NIN: variants seen among roughly 807,000 people sequenced by gnomAD.
The protein encoded by NIN is glycogen synthase kinase 3 beta-interacting protein.
In NIN, 137 loss-of-function variants were observed where a neutral mutation model predicts 257.6. That is an observed-to-expected ratio of 0.53 (90% CI 0.46 to 0.61). The LOEUF is 0.61. Among genes scored for constraint, NIN ranks in the 20% least tolerant of loss-of-function variants. The pLI, the probability that NIN is intolerant of heterozygous loss-of-function variation, is 0.00. For missense variants in NIN, 2,439 were observed against 2,501.2 expected (o/e 0.98, Z 0.53); for synonymous variants, 918 against 919.8 (o/e 1.00, Z 0.04).
intron 29 of NIN, among the ~76,000 whole-genome samples, chr14:50,727,959 A>C (rs370899295): frequency 6.6e-6 from 1 of 152,214 alleles, no homozygotes; most frequent in African/African-American, 2.4e-5. Flanking sequence ...CTGCATTCTT[A>C]AAATTAGTGT....
At chr14:50,755,652 T>C (rs1382432299) in intron 18 of NIN, among the ~76,000 whole-genome samples, 1 of 39,250 alleles carries the variant, frequency 2.5e-5, no homozygotes, top group Non-Finnish European at 5.8e-5. Context: ...TTGTCTCTTT[T>C]TTTTTTTTTT....
chr14:50,822,090 C>G lies in NIN; in HGVS notation c.-21-13G>C. On this transcript the variant is annotated splice_polypyrimidine_tract_variant and intron_variant, in intron 2 of 30. Transcript: ENST00000530997. ...CCACAGTGCTCACCTGTGTGTAAGA[C>G]AGAGACAAGGACAGGTTGTGGCAGC... is the stretch of plus-strand genomic sequence containing the variant. 1 of 1,591,940 alleles carries G rather than the reference C, an allele frequency of 6.3e-7. No individual in the cohort carries two copies. The highest frequency in any genetic ancestry group is 8.6e-7 in the Non-Finnish European group (1 of 1,165,348).
chr14:50,823,275 A>C (rs2045318000), intron 2 of NIN: 1 of 575,602 alleles, frequency 1.7e-6, no homozygotes, highest in South Asian at 1.4e-5. Flanking sequence ...CAAACACGAC[A>C]TACACCCTTG....
At chr14:50,758,943 C>T (rs769172509) in intron 17 of NIN, among the ~76,000 whole-genome samples, 1 of 152,162 alleles carries the variant, frequency 6.6e-6, no homozygotes, top group Non-Finnish European at 1.5e-5. Flanking sequence ...GACAAATGAC[C>T]AAATGTATAT....
At chr14:50,746,086 T>C (rs1215278184) in intron 22 of NIN, among the ~76,000 whole-genome samples, 1 of 150,778 alleles carries the variant, frequency 6.6e-6, no homozygotes, top group African/African-American at 2.4e-5. Context: ...ATCCCCATCA[T>C]GTTGTTTTTC....
At chr14:50,751,662 G>A (rs1363994140) in intron 21 of NIN, among the ~76,000 whole-genome samples, 2 of 152,144 alleles carry the variant, frequency 1.3e-5, no homozygotes, top group East Asian at 3.8e-4. Context: ...GAGTAGCTAG[G>A]ACCACAGGTG....
chr14:50,725,692 A>G, intron 30 of NIN: 2 of 560,984 alleles, frequency 3.6e-6, no homozygotes, highest in African/African-American at 1.9e-5. Flanking sequence ...TCTTAGGTCC[A>G]TGTAAATCAT....
intron 6 of NIN, among the ~76,000 whole-genome samples, chr14:50,777,998 G>C (rs1346468390): frequency 6.6e-6 from 1 of 152,186 alleles, no homozygotes; most frequent in Non-Finnish European, 1.5e-5. Flanking sequence ...TCAACCTAGA[G>C]AACAGGTTGT....
At chr14:50,817,715 A>G (rs1442272506) in intron 3 of NIN, among the ~76,000 whole-genome samples, 3 of 152,122 alleles carry the variant, frequency 2.0e-5, no homozygotes, top group African/African-American at 7.2e-5. Flanking sequence ...CAAAGTTGGC[A>G]TACTACGTAA....
intron 3 of NIN, among the ~76,000 whole-genome samples, chr14:50,818,720 C>T (rs776205586): frequency 2.6e-4 from 39 of 152,104 alleles, no homozygotes; most frequent in Non-Finnish European, 5.1e-4. Flanking sequence ...ACAAGCTTTA[C>T]GCATTTCAAA....
In NIN at chr14:50,723,677, A is replaced by G. The variant is rs1161496009; in HGVS notation, c.6193-5T>C. The G allele has an allele frequency of 6.2e-7, 1 of 1,613,372 alleles. No homozygotes were observed. Among genetic ancestry groups the G allele is most frequent in the Non-Finnish European group, 8.5e-7 (1 of 1,179,386 alleles). ...TGCCTTAGTGTTCTTGCAGAGCTAG[A>G]AACAGAACCAGAAACATCTTGACTC... On this transcript the variant is annotated splice_region_variant and splice_polypyrimidine_tract_variant and intron_variant, in intron 30 of 30. Coordinates refer to ENST00000530997, the MANE Select transcript of NIN (RefSeq NM_020921.4).
chr14:50,787,615 TA>T (rs370695641), intron 5 of NIN, among the ~76,000 whole-genome samples: 49 of 152,162 alleles, frequency 3.2e-4, no homozygotes, highest in African/African-American at 1.1e-3. Flanking sequence ...AATGATCCCA[TA>T]AAAAAAGAAA....
At chr14:50,730,860 T>C (rs905442673) in intron 28 of NIN, 1 of 1,240,086 alleles carries the variant, frequency 8.1e-7, no homozygotes, top group Non-Finnish European at 1.1e-6. Flanking sequence ...AGAAATAACA[T>C]GAGCAAGGGG....
At chr14:50,776,617 CAT>C (rs996312335) in intron 7 of NIN, among the ~76,000 whole-genome samples, 1 of 152,240 alleles carries the variant, frequency 6.6e-6, no homozygotes, top group Non-Finnish European at 1.5e-5. Flanking sequence ...TCTGCCTCCA[CAT>C]GTTTCCCACA....
intron 29 of NIN, chr14:50,727,314 A>G (rs2040457521): frequency 1.0e-6 from 1 of 984,400 alleles, no homozygotes; most frequent in Non-Finnish European, 1.2e-6. Flanking sequence ...CAGTATAAAT[A>G]CCCCTGGTTT....
rs769753720 is a variant in NIN at position 50,748,017 on chromosome 14, T to G, written c.5039A>C (p.Lys1680Thr). 2.5e-6 allele frequency: 4 copies of G among 1,613,484 alleles called. No individual in the cohort carries two copies. The East Asian group carries it at 8.9e-5, about 36-fold the overall frequency. The change falls in exon 22 of 31, where the codon AAA becomes ACA. Residue 1680 changes from lysine (K) to threonine (T), a missense_variant. Lys to Thr is a moderately conservative substitution (Grantham distance 78). Transcript: ENST00000530997. ...HIVQQENHLL[K>T]DELEKMKQLH... is the part of the protein sequence containing the mutation. ...CTGTTTCATTTTCTCCAGTTCATCT[T>G]TGAGAAGGTGGTTTTCCTGTTGCAC...
intron 30 of NIN, among the ~76,000 whole-genome samples, chr14:50,725,329 G>A (rs1377239622): frequency 3.9e-5 from 6 of 152,070 alleles, no homozygotes; most frequent in Admixed American, 3.3e-4. Flanking sequence ...CAGTGGATGC[G>A]CAACTAATTT....
At chr14:50,799,899 C>T (rs1047102525) in intron 4 of NIN, among the ~76,000 whole-genome samples, 14 of 152,090 alleles carry the variant, frequency 9.2e-5, no homozygotes, top group Non-Finnish European at 1.0e-4. Flanking sequence ...CGCTTGAACC[C>T]GGGAGGCAGA....
rs1241838622 is a variant in NIN at position 50,766,771 on chromosome 14, C to A, written c.1545+9G>T. On this transcript the variant is annotated intron_variant, in intron 13 of 30. Coordinates refer to ENST00000530997, the MANE Select transcript of NIN (RefSeq NM_020921.4). ...TGCCTATCAGGAAATGAGATTTGAA[C>A]AGGTTTACCTTTTCTGCTAACACAT... The A allele has an allele frequency of 2.3e-5, 37 of 1,579,414 alleles. No homozygotes were observed. The highest frequency in any genetic ancestry group is 3.1e-5 in the Non-Finnish European group (36 of 1,149,216).
Sources: gnomAD v4.1 joint callset for allele counts (sites outside exome capture counted in the v4.1 genomes callset) on GRCh38, gnomAD v4.1.1 for gene constraint, MANE v1.5 for transcripts, NCBI Gene and HGNC (gene_info 2026-07-23, HGNC 2026-07-21) for gene names.